RNASEH1: variants seen among roughly 807,000 people sequenced by gnomAD.
RNASEH1 encodes ribonuclease H1.
Under a neutral mutation model 34.6 loss-of-function variants are expected in RNASEH1, and 27 were observed. The observed-to-expected ratio is 0.78, with a 90% CI of 0.58 to 1.08. The LOEUF (loss-of-function observed/expected upper bound fraction) is 1.08, where lower values mean the gene tolerates loss of function less well. Among genes scored for constraint, RNASEH1 ranks in the 50% least tolerant of loss-of-function variants. The pLI is 0.00. For synonymous variants in RNASEH1, 162 were observed against 138.4 expected, an observed-to-expected ratio of 1.17 and a Z score of -1.20; for missense variants, 349 against 373.6, an observed-to-expected ratio of 0.93 and a Z score of 0.54.
rs1475493189 is a variant in RNASEH1 at position 3,544,532 on chromosome 2, A to C, written c.*1253T>G. Among the ~76,000 whole-genome samples, 1 of 152,166 alleles carries C rather than the reference A, an allele frequency of 6.6e-6. No homozygotes were observed. Among genetic ancestry groups the C allele is most frequent in the Non-Finnish European group, 1.5e-5 (1 of 68,032 alleles). ...AAACCAAGAAAGTCATTTCTGTAAA[A>C]GTCAGGATTACTTGTTGGGGCAAGG... On this transcript the variant is annotated 3_prime_UTR_variant, in exon 8 of 8. Transcript: ENST00000315212.
Position 3,556,924 on chromosome 2 carries a change from T to C in RNASEH1, c.129-20A>G. On this transcript the variant is annotated intron_variant, in intron 1 of 7. Transcript: ENST00000315212. ...TCATTCCTGGAAAAGATGTGCAATG[T>C]TATTTCCTTCTTCCTTCTCTAACTT... 10 of 1,536,336 alleles carry C rather than the reference T, an allele frequency of 6.5e-6. No individual in the cohort carries two copies. The highest frequency in any genetic ancestry group is 1.7e-5 in the Admixed American group (1 of 59,886).
In RNASEH1 at chr2:3,556,806, C is replaced by T. The variant is rs748973132; in HGVS notation, c.227G>A (p.Ser76Asn). 11 of 1,613,398 alleles carry T rather than the reference C, an allele frequency of 6.8e-6. No homozygotes were observed. The East Asian group carries it at 2.2e-4, about 33-fold the overall frequency. ...EAWAFVRKSA[S>N]PEVSEGHENQ... ...GTGACTACCTTCTGAAACTTCCGGG[C>T]TTGCAGATTTCCTGACAAAGGCCCA... Residue 76 changes from serine to asparagine, a missense_variant, in exon 2 of 8, where the codon AGC (serine) becomes AAC (asparagine). By Grantham distance (46) the Ser-to-Asn change is conservative. Coordinates refer to ENST00000315212, the MANE Select transcript of RNASEH1 (RefSeq NM_002936.6).
intron 2 of RNASEH1, among the ~76,000 whole-genome samples, chr2:3,554,607 T>TAA (rs1660307203): frequency 6.6e-6 from 1 of 152,228 alleles, no homozygotes; most frequent in East Asian, 1.9e-4. Context: ...AGTCACTGAC[T>TAA]AGGAGGTCTC....
rs1200499326 is a variant in RNASEH1, at chr2:3,542,206, A to C, written c.*3579T>G. Among the ~76,000 whole-genome samples, 1 of 152,216 alleles carries C rather than the reference A, an allele frequency of 6.6e-6. No individual in the cohort carries two copies. The highest frequency in any genetic ancestry group is 2.4e-5 in the African/African-American group (1 of 41,464). The stretch of plus-strand genomic sequence containing the variant: ...CAGTTCAAGCAAATCTTCTTAAAAT[A>C]ACAGATATGAAGTACACATAGAAAG... On this transcript the variant is annotated 3_prime_UTR_variant, in exon 8 of 8. Coordinates refer to ENST00000315212, the MANE Select transcript of RNASEH1 (RefSeq NM_002936.6).
rs938198030 is a variant in RNASEH1 at position 3,541,714 on chromosome 2, C to T, written c.*4071G>A. On this transcript the variant is annotated 3_prime_UTR_variant, in exon 8 of 8. Coordinates refer to ENST00000315212, the MANE Select transcript of RNASEH1 (RefSeq NM_002936.6). ...AGTGGTTGCCTGAACATGGAGGACA[C>T]GAGGGACGGTTTAGACCGGGGTGTG... is the stretch of plus-strand genomic sequence containing the variant. Among the ~76,000 whole-genome samples the T allele has an allele frequency of 2.0e-5, 3 of 152,180 alleles. No homozygotes were observed. The highest frequency in any genetic ancestry group is 6.5e-5 in the Admixed American group (1 of 15,282).
In RNASEH1 at chr2:3,548,061, A is replaced by G; in HGVS notation, c.650-6T>C. The G allele has an allele frequency of 3.1e-6, 5 of 1,614,014 alleles. No homozygotes were observed. Among genetic ancestry groups the G allele is most frequent in the Non-Finnish European group, 4.2e-6 (5 of 1,179,930 alleles). ...TTGAACCCAGTTAGTTATACCTACA[A>G]AAATGCACGATCACTGGTGAGTCAA... On this transcript the variant is annotated splice_region_variant and splice_polypyrimidine_tract_variant and intron_variant, in intron 6 of 7. Coordinates refer to ENST00000315212, the MANE Select transcript of RNASEH1 (RefSeq NM_002936.6).
At chr2:3,557,052 A>G (rs1047934181) in intron 1 of RNASEH1, 148 bp from the exon 2 acceptor site, 1 of 621,984 alleles carries the variant, frequency 1.6e-6, no homozygotes, top group African/African-American at 1.8e-5. Context: ...ACAGATACCA[A>G]CATCAGAGGA....
rs567817512 is a variant in RNASEH1, at chr2:3,558,025, G to A, written c.128+108C>T. ...CCCCGACCACCCACAGCCACAGCGC[G>A]CGGCACAGACTCGGACCGCCAGGCT... is the stretch of plus-strand genomic sequence containing the variant. On this transcript the variant is annotated intron_variant, in intron 1 of 7. Transcript: ENST00000315212. 662 of 1,480,950 alleles carry A rather than the reference G, an allele frequency of 4.5e-4. 4 individuals carry two copies. The African/African-American group carries it at 8.2e-3, about 18-fold the overall frequency. 91.7% of individuals were successfully genotyped at this position (1,480,950 alleles called of 1,614,324 possible). A position where few individuals can be genotyped will look rare whatever the true frequency, so the allele number is the denominator to read the frequency against.
At chr2:3,536,134 TCTTA>T in the RNASEH1 span, among the ~76,000 whole-genome samples, 1 of 152,200 alleles carries the variant, frequency 6.6e-6, no homozygotes, top group Non-Finnish European at 1.5e-5. Context: ...TCTCTCTGCC[TCTTA>T]CTTTACACAT....
At chr2:3,547,290 AC>A (rs1366672848) in intron 7 of RNASEH1, among the ~76,000 whole-genome samples, 1 of 152,034 alleles carries the variant, frequency 6.6e-6, no homozygotes. Flanking sequence ...TCATCCTCCC[AC>A]CTCAGTGTCC....
intron 7 of RNASEH1, among the ~76,000 whole-genome samples, chr2:3,547,424 T>C (rs1183415504): frequency 6.6e-6 from 1 of 151,914 alleles, no homozygotes; most frequent in Non-Finnish European, 1.5e-5. Context: ...AGTCAGGCCA[T>C]TTGGGCCTCC....
chr2:3,543,747 A>T lies in RNASEH1; in HGVS notation c.*2038T>A, dbSNP rs1024599485. On this transcript the variant is annotated 3_prime_UTR_variant, in exon 8 of 8. Coordinates refer to ENST00000315212, the MANE Select transcript of RNASEH1 (RefSeq NM_002936.6). The stretch of plus-strand genomic sequence containing the variant: ...CATCTCAGCCTCCAGAATAGCTGGG[A>T]CAACAGGCAGGCACTACCACACCCA... Among the ~76,000 whole-genome samples, 1 of 152,108 alleles carries T rather than the reference A, an allele frequency of 6.6e-6. No individual in the cohort carries two copies. Among genetic ancestry groups the T allele is most frequent in the African/African-American group, 2.4e-5 (1 of 41,382 alleles).
intron 4 of RNASEH1, among the ~76,000 whole-genome samples, 193 bp from the exon 5 acceptor site, chr2:3,549,305 G>A (rs1341604504): frequency 2.0e-5 from 3 of 152,200 alleles, no homozygotes; most frequent in African/African-American, 7.2e-5. Flanking sequence ...TGACTCTCAT[G>A]GGTTCCACTA....
intron 2 of RNASEH1, 28 bp downstream of exon 2, chr2:3,556,761 A>G (rs1660544579): frequency 2.0e-6 from 3 of 1,487,638 alleles, no homozygotes; most frequent in Non-Finnish European, 2.8e-6. Context: ...ATAGGTTAAA[A>G]TGTCACACTG....
At chr2:3,532,101 C>T in the RNASEH1 span, 122 of 613,068 alleles carry the variant, frequency 2.0e-4, no homozygotes, top group Non-Finnish European at 3.3e-4. Flanking sequence ...ATGCAGCTGA[C>T]GAGTCAGGGA....
downstream of RNASEH1, among the ~76,000 whole-genome samples, chr2:3,539,071 T>C (rs764478121): frequency 1.8e-4 from 27 of 152,212 alleles, no homozygotes; most frequent in Non-Finnish European, 5.9e-5. Flanking sequence ...AGTTCTTATA[T>C]ATTAGGGAAA....
At chr2:3,548,871 G>A (rs949008914) in intron 5 of RNASEH1, 147 bp from the exon 6 acceptor site, 4 of 756,492 alleles carry the variant, frequency 5.3e-6, no homozygotes, top group Non-Finnish European at 8.9e-6. Flanking sequence ...ATTCTCCTGT[G>A]TAGACATCTA....
In RNASEH1 at chr2:3,558,290, G is replaced by T; in HGVS notation, c.-30C>A. The T allele has an allele frequency of 6.6e-7, 1 of 1,521,578 alleles. No homozygotes were observed. The highest frequency in any genetic ancestry group is 1.3e-5 in the South Asian group (1 of 79,784). 94.3% of individuals were successfully genotyped at this position (1,521,578 alleles called of 1,614,324 possible). A position where few individuals can be genotyped will look rare whatever the true frequency, so the allele number is the denominator to read the frequency against. ...CACTCCCGGCACCGGGAAGCATTTC[G>T]ACTCCCGGCCCAGCGTGGGCGCGAG... On this transcript the variant is annotated 5_prime_UTR_variant, in exon 1 of 8. Transcript: ENST00000315212.
the RNASEH1 span, chr2:3,533,372 T>C: frequency 6.6e-6 from 1 of 152,374 alleles, no homozygotes; most frequent in East Asian, 1.9e-4. Flanking sequence ...CACTGGCTGA[T>C]TTCTGCGGTG....
Sources: gnomAD v4.1 joint callset for allele counts (sites outside exome capture counted in the v4.1 genomes callset) on GRCh38, gnomAD v4.1.1 for gene constraint, MANE v1.5 for transcripts, NCBI Gene and HGNC (gene_info 2026-07-23, HGNC 2026-07-21) for gene names.